PTPRE: variants seen among roughly 807,000 people sequenced by gnomAD.
PTPRE encodes the protein protein tyrosine phosphatase receptor type E.
PTPRE carries 51 observed loss-of-function variants against 102.0 expected under a neutral mutation model. The ratio of observed to expected loss-of-function variants is 0.50; its 90% CI spans 0.40 to 0.63. PTPRE has a LOEUF of 0.63. Ranked by LOEUF, PTPRE falls within the 30% of genes least tolerant of loss-of-function variation. The pLI is 0.00. For synonymous variants in PTPRE, 345 were observed against 348.2 expected (o/e 0.99, Z 0.10); for missense variants, 752 against 915.1 (o/e 0.82, Z 2.30).
chr10:128,013,130 A>G (rs1021976359), intron 2 of PTPRE, among the ~76,000 whole-genome samples: 38 of 152,156 alleles, frequency 2.5e-4, no homozygotes, highest in African/African-American at 8.9e-4. Flanking sequence ...CTGCATTATA[A>G]TTTTCTATAA....
intron 1 of PTPRE, among the ~76,000 whole-genome samples, chr10:127,943,998 G>A (rs1044551140): frequency 6.6e-6 from 1 of 152,198 alleles, no homozygotes; most frequent in Admixed American, 6.5e-5. Context: ...AGAAGCAATA[G>A]TGTTGGCCCA....
At chr10:127,981,716 G>A (rs1483959526) in intron 1 of PTPRE, among the ~76,000 whole-genome samples, 1 of 152,034 alleles carries the variant, frequency 6.6e-6, no homozygotes, top group African/African-American at 2.4e-5. Flanking sequence ...TACTCAGGAG[G>A]CTGAGGCAGG....
At chr10:127,998,482 G>A (rs1276342997) in intron 2 of PTPRE, 1 of 152,146 alleles carries the variant, frequency 6.6e-6, no homozygotes, top group Non-Finnish European at 1.5e-5. Flanking sequence ...TTTATGGGAG[G>A]CAGAAATAAT....
chr10:128,065,245 C>T (rs76415306), intron 10 of PTPRE, among the ~76,000 whole-genome samples: 8,291 of 152,276 alleles, frequency 0.054, 222 homozygotes, highest in Non-Finnish European at 0.065. Flanking sequence ...GGCTTGACCA[C>T]GAGCTGTGCT....
rs1851942061 is a variant in PTPRE, at chr10:128,084,258, G to A, written c.*1352G>A. 1 of 151,966 alleles carries A rather than the reference G, an allele frequency of 6.6e-6. No homozygotes were observed. The highest frequency in any genetic ancestry group is 6.5e-5 in the Admixed American group (1 of 15,268). 9.4% of individuals were successfully genotyped at this position (151,966 alleles called of 1,614,324 possible). ...GCACAATATAAACAAAAAGATATCT[G>A]GCCTACCTTACTACTAAAAGCATTT... On this transcript the variant is annotated 3_prime_UTR_variant, in exon 21 of 21. Coordinates refer to ENST00000254667, the MANE Select transcript of PTPRE (RefSeq NM_006504.6).
chr10:127,911,832 C>G (rs183502187), intron 1 of PTPRE, among the ~76,000 whole-genome samples: 1 of 152,144 alleles, frequency 6.6e-6, no homozygotes, highest in East Asian at 1.9e-4. Context: ...CTAGACATAT[C>G]AAGAGTTTAT....
chr10:128,073,671 A>G (rs937583094), intron 17 of PTPRE, among the ~76,000 whole-genome samples, 200 bp downstream of exon 17: 2 of 152,252 alleles, frequency 1.3e-5, no homozygotes, highest in Non-Finnish European at 2.9e-5. Flanking sequence ...AGGTTTAACC[A>G]TAGCTACCCG....
Position 128,049,556 on chromosome 10 carries a change from A to G in PTPRE, c.310A>G (p.Arg104Gly), listed in dbSNP as rs1564927813. 1.2e-6 allele frequency: 2 copies of G among 1,613,978 alleles called. No homozygotes were observed. The highest frequency in any genetic ancestry group is 4.5e-5 in the East Asian group (2 of 44,868). Residue 104 changes from arginine (R) to glycine (G), a missense_variant, in exon 6 of 21, where the codon AGG (arginine) becomes GGG (glycine). Transcript: ENST00000254667. Reference sequence around the variant, plus strand: ...GCAGCAAAGGGTGATGCTGCTCAGCAGGTCACCCTCAGGGCCCAAGAAGTA... The same window carrying G: ...GCAGCAAAGGGTGATGCTGCTCAGCGGGTCACCCTCAGGGCCCAAGAAGTA... Reference protein sequence around the residue: ...QEQQRVMLLSRSPSGPKKYFP... With the variant: ...QEQQRVMLLSGSPSGPKKYFP...
At chr10:128,009,307 A>C (rs527951466) in intron 2 of PTPRE, among the ~76,000 whole-genome samples, 1 of 152,344 alleles carries the variant, frequency 6.6e-6, no homozygotes, top group Non-Finnish European at 1.5e-5. Context: ...CATATTTTAA[A>C]GTGTTTGTTT....
intron 19 of PTPRE, among the ~76,000 whole-genome samples, chr10:128,079,242 A>T (rs1851488119): frequency 6.6e-6 from 1 of 152,156 alleles, no homozygotes. Flanking sequence ...TCCAGGGACC[A>T]CACTTTGAGA....
At position 128,070,481 on chromosome 10, in the gene PTPRE, G is replaced by A. The variant is rs369825547; in HGVS notation, c.1293+31G>A. The stretch of plus-strand genomic sequence containing the variant: ...TACAGCTGACCCTCCTCTCCATCCT[G>A]GTGTAAGCAGCCAAGGGCACGAGGA... On this transcript the variant is annotated intron_variant, in intron 14 of 20. Coordinates refer to ENST00000254667, the MANE Select transcript of PTPRE (RefSeq NM_006504.6). This position sits in a 1 kb window ranked among gnomAD's most constrained non-coding sequence, Gnocchi z 4.8. 8 of 1,602,504 alleles carry A rather than the reference G, an allele frequency of 5.0e-6. No homozygotes were observed. The highest frequency in any genetic ancestry group is 6.0e-6 in the Non-Finnish European group (7 of 1,174,828).
chr10:127,986,557 A>G (rs542574225), intron 2 of PTPRE, among the ~76,000 whole-genome samples: 36 of 152,326 alleles, frequency 2.4e-4, no homozygotes, highest in Admixed American at 8.5e-4. Context: ...GTGAGTTTCA[A>G]TTTTAAAATG....
intron 20 of PTPRE, 23 bp from the exon 21 acceptor site, chr10:128,082,809 T>C (rs780552315): frequency 6.5e-7 from 1 of 1,542,852 alleles, no homozygotes; most frequent in Non-Finnish European, 8.6e-7. Flanking sequence ...ATCATTTTAA[T>C]GTGTCCTTGT....
chr10:128,022,472 G>A (rs1364320173), intron 2 of PTPRE, among the ~76,000 whole-genome samples: 3 of 152,320 alleles, frequency 2.0e-5, no homozygotes, highest in South Asian at 2.1e-4. Context: ...CTTTGGAATC[G>A]ACGGCCCAGG....
chr10:128,072,565 T>C (rs1028287061), intron 16 of PTPRE: 10 of 179,280 alleles, frequency 5.6e-5, no homozygotes, highest in South Asian at 1.1e-4. Context: ...GGCAGGAGAA[T>C]TGCTTGAATC....
chr10:127,999,577 G>A, intron 2 of PTPRE: 1 of 985,486 alleles, frequency 1.0e-6, no homozygotes. Context: ...CATCGAGCAC[G>A]CAGGTTGCAC....
chr10:128,043,168 A>G (rs2135812797), intron 3 of PTPRE, among the ~76,000 whole-genome samples: 1 of 152,256 alleles, frequency 6.6e-6, no homozygotes, highest in South Asian at 2.1e-4. Context: ...ATTCAAGTGC[A>G]TTATATTTAT....
At position 128,047,488 on chromosome 10, in the gene PTPRE, A is replaced by G; in HGVS notation, c.208A>G (p.Arg70Gly). 6.2e-7 allele frequency: 1 copy of G among 1,613,138 alleles called. No homozygotes were observed. Among genetic ancestry groups the G allele is most frequent in the Non-Finnish European group, 8.5e-7 (1 of 1,179,982 alleles). ...GCTCCTTCTCGCCGCCTACTTCTTC[A>G]GGTAGGAGTGTCCCGGGGCACTGAC... ...LVLLLAAYFF[R>G]FRKQRKAVVS... is the part of the protein sequence containing the mutation. Residue 70 changes from arginine (R) to glycine (G), a missense_variant and splice_region_variant, in exon 4 of 21, where the codon AGG (arginine) becomes GGG (glycine). This residue lies in a region of PTPRE where 116 missense variants were observed against 90.8 expected (regional missense o/e 1.28). Coordinates refer to ENST00000254667, the MANE Select transcript of PTPRE (RefSeq NM_006504.6).
chr10:127,996,536 C>A lies in PTPRE; in HGVS notation c.-8+14240C>A, dbSNP rs568776893. Among the ~76,000 whole-genome samples, 451 of 152,336 alleles carry A rather than the reference C, an allele frequency of 3.0e-3. 6 individuals are homozygous for A. Among genetic ancestry groups the A allele is most frequent in the African/African-American group, 0.01 (431 of 41,576 alleles). On this transcript the variant is annotated intron_variant, in intron 2 of 20. Transcript: ENST00000254667. ...CTCCCCTTCAGAATGTATGCCCCTG[C>A]AGCTTCCCCAGTTTTTATGACTGTG...
Sources: allele counts gnomAD v4.1 joint callset (sites outside exome capture counted in the v4.1 genomes callset), GRCh38; gene constraint gnomAD v4.1.1; regional missense constraint gnomAD v4.1.1; non-coding constraint Gnocchi (gnomAD v3.1); transcripts MANE v1.5; gene names NCBI Gene and HGNC (gene_info 2026-07-23, HGNC 2026-07-21).